The following MYOM3 variants were observed in gnomAD, a reference collection of about 807,000 sequenced individuals.
MYOM3 encodes myomesin 3, also known as myomesin-3.
Under a neutral mutation model 191.7 loss-of-function variants are expected in MYOM3, and 155 were observed. The observed-to-expected ratio is 0.81, with a 90% CI of 0.71 to 0.92. The LOEUF (loss-of-function observed/expected upper bound fraction) is 0.92. Ranked by LOEUF, MYOM3 falls within the 40% of genes least tolerant of loss-of-function variation. The pLI, the probability that MYOM3 is intolerant of heterozygous loss-of-function variation, is 0.00. For missense variants in MYOM3, 1,889 were observed against 1,890.6 expected (o/e 1.00, Z 0.02); for synonymous variants, 757 against 762.9 (o/e 0.99, Z 0.13).
rs1480141378 is a variant in MYOM3 at position 24,108,013 on chromosome 1, C to A, written c.222G>T (p.Thr74=). ...DYALAAALAL[T]ASSELSWEAQ... is the part of the protein sequence containing the mutation. The stretch of plus-strand genomic sequence containing the variant: ...CTCACCAAGACAGCTCGGAGGAGGC[C>A]GTCAGAGCCAGGGCTGCTGCCAGGG... Residue 74 remains threonine, a synonymous_variant, in exon 3 of 37, where the codon ACG becomes ACT. Coordinates refer to ENST00000374434, the MANE Select transcript of MYOM3 (RefSeq NM_152372.4). 6.2e-7 allele frequency: 1 copy of A among 1,613,536 alleles called. No individual in the cohort carries two copies. Among genetic ancestry groups the A allele is most frequent in the African/African-American group, 1.3e-5 (1 of 74,916 alleles).
chr1:24,058,972 G>A lies in MYOM3; in HGVS notation c.4002C>T (p.Ala1334=). ...CATCCGGCAGACCTCTCACCACTTT[G>A]GCACGATCTGGAAGGGAAATAAGAG... ...KTLAIIEKNR[A]KVVRGLPDVA... Residue 1334 remains alanine, a synonymous_variant, in exon 36 of 37, where the codon GCC becomes GCT. Transcript: ENST00000374434. 3 of 1,611,464 alleles carry A rather than the reference G, an allele frequency of 1.9e-6. No homozygotes were observed. Among genetic ancestry groups the A allele is most frequent in the Non-Finnish European group, 2.5e-6 (3 of 1,178,798 alleles).
intron 35 of MYOM3, among the ~76,000 whole-genome samples, chr1:24,059,429 C>G (rs768854667): frequency 6.6e-6 from 1 of 152,270 alleles, no homozygotes. Flanking sequence ...GCCGCCACAC[C>G]TGGCCTTGGA....
intron 23 of MYOM3, 56 bp downstream of exon 23, chr1:24,074,104 T>G: frequency 7.0e-7 from 1 of 1,426,214 alleles, no homozygotes; most frequent in Non-Finnish European, 9.8e-7. Flanking sequence ...GTGTGGGCAT[T>G]TGTGTTTGGG....
chr1:24,057,251 G>A lies in MYOM3; in HGVS notation c.*113C>T. ...ACCCTCACATCCTGGGTTCTATCTT[G>A]TCCCCTTTCCTTCTGCCCCACCCCT... On this transcript the variant is annotated 3_prime_UTR_variant, in exon 37 of 37. Coordinates refer to ENST00000374434, the MANE Select transcript of MYOM3 (RefSeq NM_152372.4). 9.4e-7 allele frequency: 1 copy of A among 1,060,646 alleles called. No individual in the cohort carries two copies. 65.7% of individuals were successfully genotyped at this position (1,060,646 alleles called of 1,614,324 possible). A position where few individuals can be genotyped will look rare whatever the true frequency, so the allele number is the denominator to read the frequency against.
chr1:24,080,515 T>G (rs946153150), intron 19 of MYOM3, among the ~76,000 whole-genome samples: 2 of 152,186 alleles, frequency 1.3e-5, no homozygotes, highest in African/African-American at 4.8e-5. Context: ...GTGACTCTAG[T>G]GTAACTTCTA....
At chr1:24,075,728 T>C (rs934754976) in intron 21 of MYOM3, among the ~76,000 whole-genome samples, 6 of 152,212 alleles carry the variant, frequency 3.9e-5, no homozygotes, top group Non-Finnish European at 1.5e-5. Context: ...ATAAAGCACG[T>C]ATCTCTATCT....
chr1:24,110,339 CGT>C (rs34593861), intron 1 of MYOM3, among the ~76,000 whole-genome samples: 92,141 of 151,430 alleles, frequency 0.61, 28,755 homozygotes, highest in South Asian at 0.76. Flanking sequence ...GAGGTGGCAG[CGT>C]GTGTGTGTGT....
intron 20 of MYOM3, 54 bp downstream of exon 20, chr1:24,079,962 C>G (rs921649397): frequency 5.4e-6 from 8 of 1,480,052 alleles, no homozygotes; most frequent in Non-Finnish European, 7.4e-6. Flanking sequence ...CTCTGATGCT[C>G]TAGTGGCAGG....
At position 24,057,142 on chromosome 1, in the gene MYOM3, AG is replaced by A. The variant is rs145785358; in HGVS notation, c.*221del. 1,131 of 571,888 alleles carry A rather than the reference AG, an allele frequency of 2.0e-3. 13 individuals carry two copies. The highest frequency in any genetic ancestry group is 0.018 in the African/African-American group (961 of 53,548). 35.4% of individuals were successfully genotyped at this position (571,888 alleles called of 1,614,324 possible). ...CATCCGGGTCTCCTACTCCAGGTCC[AG>A]GGTTCATCCCGCTCTCCTGGAAGCC... On this transcript the variant is annotated 3_prime_UTR_variant, in exon 37 of 37. Coordinates refer to ENST00000374434, the MANE Select transcript of MYOM3 (RefSeq NM_152372.4).
At chr1:24,076,392 A>T in intron 20 of MYOM3, 119 bp from the exon 21 acceptor site, 1 of 688,268 alleles carries the variant, frequency 1.5e-6, no homozygotes. Flanking sequence ...TGTGTCCCTC[A>T]TCTTTCCATG....
At position 24,090,859 on chromosome 1, in the gene MYOM3, A is replaced by ACGCTGCTGCC; in HGVS notation, c.1360_1369dup (p.Val457GlyfsTer16). On this transcript the variant is annotated frameshift_variant, in exon 12 of 37. Coordinates refer to ENST00000374434, the MANE Select transcript of MYOM3 (RefSeq NM_152372.4). LOFTEE classifies it high-confidence loss of function. ...AACCAACTCTGAGGCCTTGGAGGGG[A>ACGCTGCTGCC]CGCTGCTGCCTACCCTGCTGATGGC... 6.2e-7 allele frequency: 1 copy of ACGCTGCTGCC among 1,613,966 alleles called. No individual in the cohort carries two copies.
At position 24,076,307 on chromosome 1, in the gene MYOM3, C is replaced by T. The variant is rs760542782; in HGVS notation, c.2587-34G>A. 7 of 1,510,148 alleles carry T rather than the reference C, an allele frequency of 4.6e-6. No homozygotes were observed. The South Asian group carries it at 7.9e-5, about 17-fold the overall frequency. 93.5% of individuals were successfully genotyped at this position (1,510,148 alleles called of 1,614,324 possible). A position where few individuals can be genotyped will look rare whatever the true frequency, so the allele number is the denominator to read the frequency against. On this transcript the variant is annotated intron_variant, in intron 20 of 36. Coordinates refer to ENST00000374434, the MANE Select transcript of MYOM3 (RefSeq NM_152372.4). ...AGAGGGCAAGAGCCAGCACTGAGGA[C>T]AGCAGTGACTCTTCCTGAAACCTGG...
chr1:24,058,370 G>A (rs1049904884), intron 36 of MYOM3, among the ~76,000 whole-genome samples: 12 of 152,170 alleles, frequency 7.9e-5, no homozygotes, highest in Middle Eastern at 3.4e-3. Flanking sequence ...GGGCTTCCTG[G>A]GTGTGAATCT....
chr1:24,101,055 C>T (rs1176019719), intron 5 of MYOM3, among the ~76,000 whole-genome samples: 2 of 152,096 alleles, frequency 1.3e-5, no homozygotes. Flanking sequence ...TCTTTCTGCT[C>T]GGTGTGGCCA....
chr1:24,067,779 A>G (rs949580996), intron 27 of MYOM3, among the ~76,000 whole-genome samples, 191 bp downstream of exon 27: 2 of 152,126 alleles, frequency 1.3e-5, no homozygotes, highest in African/African-American at 4.8e-5. Context: ...GCAAAATTTA[A>G]GAGGGCTCAG....
At position 24,085,848 on chromosome 1, in the gene MYOM3, C is replaced by T. The variant is rs552557734; in HGVS notation, c.1798+796G>A. On this transcript the variant is annotated intron_variant, in intron 15 of 36. Transcript: ENST00000374434. ...GTGTGTGTATGTGTGTGTGTGTGTG[C>T]GCGTGTGTATTTTTTCCCCTCTAAA... Among the ~76,000 whole-genome samples, 89 of 151,944 alleles carry T rather than the reference C, an allele frequency of 5.9e-4. 1 individual carries two copies. The Middle Eastern group carries it at 0.017, about 29-fold the overall frequency.
At position 24,081,457 on chromosome 1, in the gene MYOM3, C is replaced by A; in HGVS notation, c.2281-1G>T. On this transcript the variant is annotated splice_acceptor_variant, in intron 18 of 36. Transcript: ENST00000374434. LOFTEE classifies it high-confidence loss of function. ...AGTGGCCTTCATGAAGGTCACTGAC[C>A]TTTAAGAGCAGAAACACAAACTATG... 6.2e-7 allele frequency: 1 copy of A among 1,613,552 alleles called. No homozygotes were observed. Among genetic ancestry groups the A allele is most frequent in the Non-Finnish European group, 8.5e-7 (1 of 1,179,700 alleles).
chr1:24,059,282 G>A (rs1208796098), intron 35 of MYOM3, among the ~76,000 whole-genome samples: 1 of 152,142 alleles, frequency 6.6e-6, no homozygotes, highest in Non-Finnish European at 1.5e-5. Flanking sequence ...CTATAGGCAT[G>A]CATCAGCCCG....
At chr1:24,105,352 C>T (rs1418453614) in intron 5 of MYOM3, among the ~76,000 whole-genome samples, 1 of 152,322 alleles carries the variant, frequency 6.6e-6, no homozygotes. Context: ...AGGCTGGGAA[C>T]ACAAGGTTCT....
Sources: allele counts gnomAD v4.1 joint callset (sites outside exome capture counted in the v4.1 genomes callset), GRCh38; gene constraint gnomAD v4.1.1; transcripts MANE v1.5; gene names NCBI Gene and HGNC (gene_info 2026-07-23, HGNC 2026-07-21).